Variants in SDK1 observed in about 807,000 individuals in gnomAD.
SDK1 encodes sidekick cell adhesion molecule 1.
SDK1 carries 157 observed loss-of-function variants against 245.5 expected under a neutral mutation model. The observed-to-expected ratio is 0.64, with a 90% CI of 0.56 to 0.73. The LOEUF (loss-of-function observed/expected upper bound fraction) is 0.73, where lower values mean the gene tolerates loss of function less well. Among genes scored for constraint, SDK1 ranks in the 30% least tolerant of loss-of-function variants. SDK1 has a pLI of 0.00. For synonymous variants in SDK1, 1,647 were observed against 1,278.5 expected (o/e 1.29, Z -6.15); for missense variants, 3,583 against 3,002.3 (o/e 1.19, Z -4.52).
At chr7:3,364,214 T>C (rs1007000145) in intron 1 of SDK1, among the ~76,000 whole-genome samples, 1 of 152,248 alleles carries the variant, frequency 6.6e-6, no homozygotes, top group African/African-American at 2.4e-5. Context: ...GGCGTACAAA[T>C]ATATTCTCAC....
At chr7:3,669,308 G>T (rs2568519) in intron 4 of SDK1, among the ~76,000 whole-genome samples, 111,698 of 152,034 alleles carry the variant, frequency 0.73, 42,279 homozygotes, top group African/African-American at 0.93. Flanking sequence ...TACAGAAACA[G>T]ATTAACTACA....
At position 4,178,478 on chromosome 7, in the gene SDK1, C is replaced by G. The variant is rs772603474; in HGVS notation, c.4997-7C>G. On this transcript the variant is annotated splice_polypyrimidine_tract_variant and splice_region_variant and intron_variant, in intron 34 of 44. Coordinates refer to ENST00000404826, the MANE Select transcript of SDK1 (RefSeq NM_152744.4). ...GAAGCTGATCCATATTTCCTTCAAC[C>G]CTGCAGATTTAAAGAAGTACCGGCG... 6.2e-6 allele frequency: 10 copies of G among 1,602,882 alleles called. No homozygotes were observed. The African/African-American group carries it at 1.3e-4, about 21-fold the overall frequency.
At chr7:3,400,060 A>G (rs1778846252) in intron 1 of SDK1, among the ~76,000 whole-genome samples, 1 of 152,120 alleles carries the variant, frequency 6.6e-6, no homozygotes, top group African/African-American at 2.4e-5. Flanking sequence ...GAAGCAGGTC[A>G]GACAGTGACA....
At chr7:3,399,169 C>T (rs1778814884) in intron 1 of SDK1, among the ~76,000 whole-genome samples, 1 of 151,948 alleles carries the variant, frequency 6.6e-6, no homozygotes, top group Non-Finnish European at 1.5e-5. Context: ...TTCTTTTCCT[C>T]AGACCACATA....
At chr7:4,084,014 A>G (rs569461200) in intron 22 of SDK1, among the ~76,000 whole-genome samples, 1 of 152,228 alleles carries the variant, frequency 6.6e-6, no homozygotes, top group East Asian at 1.9e-4. Flanking sequence ...TCATCCATCC[A>G]TGATCTTTGC....
intron 4 of SDK1, among the ~76,000 whole-genome samples, chr7:3,664,057 G>C (rs1472763712): frequency 2.6e-5 from 4 of 151,828 alleles, no homozygotes; most frequent in Non-Finnish European, 4.4e-5. Flanking sequence ...TTTTCCCTTT[G>C]TTCTTTTTCT....
intron 1 of SDK1, among the ~76,000 whole-genome samples, chr7:3,479,942 G>A (rs1361407424): frequency 6.6e-6 from 1 of 150,858 alleles, no homozygotes; most frequent in Non-Finnish European, 1.5e-5. Flanking sequence ...TTCTTTATAT[G>A]CTTTGAAGCT....
chr7:3,624,371 C>T (rs1220487259), intron 2 of SDK1, among the ~76,000 whole-genome samples: 1 of 152,036 alleles, frequency 6.6e-6, no homozygotes, highest in Non-Finnish European at 1.5e-5. Context: ...GCTAAGTTTT[C>T]TATTTTTTGT....
intron 4 of SDK1, among the ~76,000 whole-genome samples, chr7:3,712,859 G>C (rs1785089822): frequency 6.6e-6 from 1 of 152,200 alleles, no homozygotes; most frequent in Admixed American, 6.5e-5. Context: ...ACTTGGCCCA[G>C]GTGCCCCCAC....
chr7:3,403,926 C>T (rs1486133361), intron 1 of SDK1, among the ~76,000 whole-genome samples: 1 of 133,604 alleles, frequency 7.5e-6, no homozygotes, highest in African/African-American at 2.7e-5. Flanking sequence ...ACAGGCATAC[C>T]TTGGAGATAT....
chr7:3,437,516 A>G (rs984590322), intron 1 of SDK1, among the ~76,000 whole-genome samples: 4 of 152,174 alleles, frequency 2.6e-5, no homozygotes, highest in South Asian at 2.1e-4. Context: ...TCACACTTGT[A>G]ATCTCAGAGC....
intron 1 of SDK1, chr7:3,337,832 C>T (rs948747016): frequency 6.6e-6 from 1 of 152,136 alleles, no homozygotes; most frequent in Non-Finnish European, 1.5e-5. Context: ...GGAAAACTTT[C>T]TTGCATGAAG....
chr7:4,212,053 T>C (rs1366010710), intron 38 of SDK1, among the ~76,000 whole-genome samples: 1 of 152,232 alleles, frequency 6.6e-6, no homozygotes, highest in South Asian at 2.1e-4. Context: ...CTCTGCCTTA[T>C]GGTCCAGGGC....
chr7:3,985,990 C>G (rs1399214134), intron 13 of SDK1, among the ~76,000 whole-genome samples: 1 of 152,116 alleles, frequency 6.6e-6, no homozygotes, highest in Admixed American at 6.5e-5. Flanking sequence ...CACTCAGCAT[C>G]CCCTCTTCCC....
intron 5 of SDK1, among the ~76,000 whole-genome samples, chr7:3,904,276 G>A (rs568639890): frequency 2.0e-5 from 3 of 152,276 alleles, no homozygotes; most frequent in South Asian, 4.1e-4. Flanking sequence ...AGTTCCCAGG[G>A]GCTGTGGGGA....
At chr7:4,228,140 C>T (rs1053139465) in intron 40 of SDK1, among the ~76,000 whole-genome samples, 13 of 152,202 alleles carry the variant, frequency 8.5e-5, no homozygotes, top group Admixed American at 2.6e-4. Flanking sequence ...CTCAGCCTTC[C>T]TTCTGAGGTG....
chr7:3,575,502 A>G (rs1780257132), intron 1 of SDK1, among the ~76,000 whole-genome samples: 1 of 152,018 alleles, frequency 6.6e-6, no homozygotes, highest in Admixed American at 6.6e-5. Flanking sequence ...AGCTAAAAGA[A>G]TGCATTTTAA....
intron 14 of SDK1, among the ~76,000 whole-genome samples, chr7:3,988,897 G>A (rs887828672): frequency 1.2e-4 from 18 of 152,000 alleles, no homozygotes; most frequent in East Asian, 9.7e-4. Flanking sequence ...TCAGCCTCCC[G>A]AGTAGCTGGG....
intron 4 of SDK1, among the ~76,000 whole-genome samples, chr7:3,713,315 T>G (rs577592583): frequency 6.6e-6 from 1 of 152,326 alleles, no homozygotes; most frequent in African/African-American, 2.4e-5. Flanking sequence ...CAATTGGGGT[T>G]GTTTGTCTTT....
Sources: allele counts gnomAD v4.1 joint callset (sites outside exome capture counted in the v4.1 genomes callset), GRCh38; gene constraint gnomAD v4.1.1; transcripts MANE v1.5; gene names NCBI Gene and HGNC (gene_info 2026-07-23, HGNC 2026-07-21).